PTGER3: variants seen among roughly 807,000 people sequenced by gnomAD.
PTGER3 encodes prostaglandin E receptor 3, also known as prostaglandin E2 receptor EP3 subtype.
A neutral mutation model predicts 34.7 loss-of-function variants in PTGER3; 22 were observed. That is an observed-to-expected ratio of 0.63 (90% CI 0.45 to 0.91). PTGER3 has a LOEUF of 0.91. Ranked by LOEUF, PTGER3 falls within the 40% of genes least tolerant of loss-of-function variation. The pLI is 0.00. For synonymous variants in PTGER3, 241 were observed against 230.1 expected (o/e 1.05, Z -0.43); for missense variants, 468 against 519.4 (o/e 0.90, Z 0.96).
intron 1 of PTGER3, among the ~76,000 whole-genome samples, chr1:71,046,213 G>A (rs1257741773): frequency 2.0e-5 from 3 of 148,828 alleles, no homozygotes; most frequent in African/African-American, 7.4e-5. Context: ...GTGAACCCGG[G>A]AGGCGGAGCT....
chr1:70,914,967 G>T (rs1027860667), intron 4 of PTGER3, among the ~76,000 whole-genome samples: 2 of 151,898 alleles, frequency 1.3e-5, no homozygotes, highest in Non-Finnish European at 2.9e-5. Context: ...AATTTATTAA[G>T]TGCCAAGTAT....
chr1:70,852,592 C>A, exon 5 of PTGER3: 2 of 548,044 alleles, frequency 3.6e-6, no homozygotes, highest in East Asian at 3.1e-5. Flanking sequence ...AATGTATACG[C>A]AAATATAAAT....
chr1:70,853,959 A>G (rs974236720), intron 4 of PTGER3, among the ~76,000 whole-genome samples: 1 of 152,220 alleles, frequency 6.6e-6, no homozygotes, highest in African/African-American at 2.4e-5. Flanking sequence ...TTTACACAAT[A>G]TACAAAAATA....
chr1:70,886,375 T>A (rs746571162), intron 4 of PTGER3: 1 of 430,690 alleles, frequency 2.3e-6, no homozygotes. Context: ...GTCTGTGGTA[T>A]CTTGTTATAG....
chr1:71,032,379 A>G (rs1363518954), intron 1 of PTGER3, among the ~76,000 whole-genome samples: 2 of 152,254 alleles, frequency 1.3e-5, no homozygotes, highest in African/African-American at 4.8e-5. Flanking sequence ...TTGTGTTTAT[A>G]AAACAAAACA....
chr1:71,002,042 G>A (rs542619633), intron 2 of PTGER3: 2 of 152,232 alleles, frequency 1.3e-5, no homozygotes, highest in South Asian at 4.2e-4. Context: ...GAATGCTTGA[G>A]GCCAGGAGTT....
chr1:71,022,688 TGCTC>T (rs1400289872), intron 1 of PTGER3, among the ~76,000 whole-genome samples: 2 of 151,172 alleles, frequency 1.3e-5, no homozygotes, highest in Non-Finnish European at 2.9e-5. Flanking sequence ...CTCTAGTCAG[TGCTC>T]TCTCTCTCTC....
chr1:71,004,748 TTTC>T (rs1165865664), intron 2 of PTGER3, among the ~76,000 whole-genome samples: 1 of 152,338 alleles, frequency 6.6e-6, no homozygotes, highest in East Asian at 1.9e-4. Flanking sequence ...AAGATGATAC[TTTC>T]TAAGAAATTG....
At chr1:70,859,290 G>T (rs879794027) in intron 4 of PTGER3, among the ~76,000 whole-genome samples, 8 of 152,184 alleles carry the variant, frequency 5.3e-5, no homozygotes, top group African/African-American at 1.9e-4. Flanking sequence ...CCTTTTTAAA[G>T]ATTTGCCACA....
chr1:70,926,267 G>A (rs952518869), intron 4 of PTGER3, among the ~76,000 whole-genome samples: 1 of 152,058 alleles, frequency 6.6e-6, no homozygotes, highest in Non-Finnish European at 1.5e-5. Context: ...AAATTACCTT[G>A]GGCAGTATGG....
intron 2 of PTGER3, among the ~76,000 whole-genome samples, chr1:70,960,660 A>G (rs575040205): frequency 1.3e-5 from 2 of 152,298 alleles, no homozygotes; most frequent in African/African-American, 4.8e-5. Context: ...AAGGAGGAAA[A>G]TAATAAAGAA....
intron 1 of PTGER3, among the ~76,000 whole-genome samples, chr1:71,013,156 G>A (rs1378247263): frequency 1.3e-5 from 2 of 151,926 alleles, no homozygotes; most frequent in African/African-American, 4.8e-5. Context: ...CAGGAATTTG[G>A]GACTATTTTT....
At chr1:70,924,944 C>T (rs1314486204) in intron 4 of PTGER3, among the ~76,000 whole-genome samples, 2 of 152,092 alleles carry the variant, frequency 1.3e-5, no homozygotes, top group African/African-American at 4.8e-5. Flanking sequence ...GGTATAATTC[C>T]TAGTTCAGTT....
rs1292012765 is a variant in PTGER3, at chr1:70,990,774, C to G, written c.1078-16386G>C. On this transcript the variant is annotated intron_variant, in intron 2 of 3. Transcript: ENST00000306666. ...ATTATACAGGTATGAGCAACTGCAC[C>G]TGGCTGGAACTAAAATATTTAACTA... Among the ~76,000 whole-genome samples the G allele has an allele frequency of 2.0e-5, 3 of 152,034 alleles. No individual in the cohort carries two copies. In the East Asian group the frequency reaches 5.8e-4, roughly 29 times the overall value.
intron 4 of PTGER3, among the ~76,000 whole-genome samples, chr1:70,911,949 A>T (rs984347593): frequency 6.6e-6 from 1 of 152,116 alleles, no homozygotes; most frequent in African/African-American, 2.4e-5. Context: ...TACTTTCGTG[A>T]TCCCAAATAT....
chr1:70,853,447 A>T, intron 4 of PTGER3, among the ~76,000 whole-genome samples: 1 of 152,180 alleles, frequency 6.6e-6, no homozygotes, highest in Non-Finnish European at 1.5e-5. Context: ...ATTACGAGTG[A>T]CCTAAAAAAC....
chr1:70,947,628 A>C (rs1650339962), downstream of PTGER3, among the ~76,000 whole-genome samples: 1 of 152,098 alleles, frequency 6.6e-6, no homozygotes, highest in South Asian at 2.1e-4. Flanking sequence ...CTGGAAAAAT[A>C]ATTCGAATTA....
chr1:71,036,721 C>T (rs1411355680), intron 1 of PTGER3, among the ~76,000 whole-genome samples: 2 of 151,746 alleles, frequency 1.3e-5, no homozygotes, highest in African/African-American at 4.8e-5. Flanking sequence ...CTCCTGTAGT[C>T]CCAGCTATTG....
At position 71,006,462 on chromosome 1, in the gene PTGER3, A is replaced by C. The variant is rs116020484; in HGVS notation, c.1077+5843T>G. ...CAAAACTCAGGCACAAGTCAATTAA[A>C]GGGTTGTACTATGAGCAAGGACAAT... On this transcript the variant is annotated intron_variant, in intron 2 of 3. Transcript: ENST00000306666. 667 of 985,440 alleles carry C rather than the reference A, an allele frequency of 6.8e-4. 4 individuals carry two copies. The African/African-American group carries it at 0.011, about 16-fold the overall frequency. The allele number at this position is 985,440 out of a possible 1,614,324, so 61.0% of individuals were successfully genotyped here.
Sources: gnomAD v4.1 joint callset for allele counts (sites outside exome capture counted in the v4.1 genomes callset) on GRCh38, gnomAD v4.1.1 for gene constraint, MANE v1.5 for transcripts, NCBI Gene and HGNC (gene_info 2026-07-23, HGNC 2026-07-21) for gene names.